Variants in ACAT1 observed in about 807,000 individuals in gnomAD.
The protein encoded by ACAT1 is acetyl-CoA acetyltransferase 1.
A neutral mutation model predicts 47.3 loss-of-function variants in ACAT1; 28 were observed. The observed-to-expected ratio is 0.59, with a 90% CI of 0.44 to 0.81. The LOEUF is 0.81. Among genes scored for constraint, ACAT1 ranks in the 30% least tolerant of loss-of-function variants. The probability of loss-of-function intolerance (pLI) is 0.00; values close to 1 mark genes in which losing one functional copy is unlikely to be tolerated. For synonymous variants in ACAT1, 181 were observed against 173.6 expected (o/e 1.04, Z -0.34); for missense variants, 469 against 524.3 (o/e 0.89, Z 1.03).
chr11:108,142,730 G>T (rs187282100), intron 9 of ACAT1, 180 bp downstream of exon 9: 11 of 585,004 alleles, frequency 1.9e-5, no homozygotes, highest in Non-Finnish European at 3.4e-5. Flanking sequence ...CCATCTACTC[G>T]GGAAGCTGAG....
upstream of ACAT1, chr11:108,121,374 C>T (rs1052664457): frequency 8.5e-6 from 5 of 591,364 alleles, no homozygotes; most frequent in Non-Finnish European, 1.5e-5. Flanking sequence ...TTGACCCCAG[C>T]GCCAGTGTCT....
chr11:108,130,959 G>A (rs978786345), intron 1 of ACAT1, among the ~76,000 whole-genome samples: 22 of 152,056 alleles, frequency 1.4e-4, no homozygotes, highest in South Asian at 2.1e-4. Context: ...CGCCAAGTTG[G>A]CCAGGCTGAT....
chr11:108,146,887 C>T (rs2077723965), intron 11 of ACAT1, among the ~76,000 whole-genome samples: 1 of 152,226 alleles, frequency 6.6e-6, no homozygotes, highest in Non-Finnish European at 1.5e-5. Flanking sequence ...AGAGGCCATC[C>T]TGGCCAACAT....
At chr11:108,134,341 T>C (rs1238780299) in intron 4 of ACAT1, 25 bp downstream of exon 4, 6 of 1,592,566 alleles carry the variant, frequency 3.8e-6, no homozygotes, top group Non-Finnish European at 5.2e-6. Context: ...TTTTTGCTTT[T>C]ATACTTAAAA....
chr11:108,130,402 TTTA>T (rs2077334698), intron 1 of ACAT1, among the ~76,000 whole-genome samples: 1 of 151,986 alleles, frequency 6.6e-6, no homozygotes, highest in African/African-American at 2.4e-5. Context: ...ATTTTTTAAA[TTTA>T]TTATCATTTT....
chr11:108,135,059 G>T (rs1291547591), intron 4 of ACAT1, 83 bp from the exon 5 acceptor site: 1 of 868,762 alleles, frequency 1.2e-6, no homozygotes, highest in Non-Finnish European at 1.9e-6. Context: ...AAGAAATGTT[G>T]TAGTTTATAG....
At chr11:108,117,152 C>CA (rs886146340), upstream of ACAT1, among the ~76,000 whole-genome samples, 1 of 151,786 alleles carries the variant, frequency 6.6e-6, no homozygotes, top group African/African-American at 2.4e-5. Context: ...CCCATCTCTA[C>CA]AAAAAATAAA....
chr11:108,121,809 G>A (rs796696417), intron 1 of ACAT1, 131 bp downstream of exon 1: 5 of 1,037,596 alleles, frequency 4.8e-6, no homozygotes, highest in Non-Finnish European at 7.0e-6. Context: ...ACAGTCACGC[G>A]ACGGGTTCTG....
At chr11:108,126,255 G>A (rs1416130162) in intron 1 of ACAT1, among the ~76,000 whole-genome samples, 3 of 152,088 alleles carry the variant, frequency 2.0e-5, no homozygotes, top group South Asian at 2.1e-4. Flanking sequence ...CACCTGCCTC[G>A]GCCTCCCAAA....
chr11:108,131,623 A>T (rs1000193806), intron 1 of ACAT1, among the ~76,000 whole-genome samples: 1 of 152,000 alleles, frequency 6.6e-6, no homozygotes, highest in Non-Finnish European at 1.5e-5. Flanking sequence ...AAATGCTAGG[A>T]TTACAGGCAT....
Position 108,134,311 on chromosome 11 carries a change from G to A in ACAT1, c.329G>A (p.Gly110Asp), listed in dbSNP as rs982230905. The A allele has an allele frequency of 1.9e-6, 3 of 1,612,994 alleles. No homozygotes were observed. The highest frequency in any genetic ancestry group is 2.2e-5 in the South Asian group (2 of 91,064). The change falls in exon 4 of 12, where the codon GGT becomes GAT. Residue 110 changes from glycine to aspartate, a missense_variant. Gly to Asp is a moderately conservative substitution (Grantham distance 94, BLOSUM62 -1). Transcript: ENST00000265838. ...GQAPTRQAVL[G>D]AGLPISTPCT... Reference sequence around the variant, plus strand: ...GCTCCTACAAGGCAGGCAGTATTGGGTGCAGGTACCTGGAAGACTTTTTTG... The same window carrying A: ...GCTCCTACAAGGCAGGCAGTATTGGATGCAGGTACCTGGAAGACTTTTTTG...
chr11:108,133,742 A>T, intron 2 of ACAT1, 78 bp from the exon 3 acceptor site: 12 of 1,189,618 alleles, frequency 1.0e-5, no homozygotes, highest in Admixed American at 5.3e-5. Context: ...TGTTTTTTTG[A>T]TAATATATTT....
chr11:108,133,273 G>C (rs1433137876), intron 2 of ACAT1, among the ~76,000 whole-genome samples: 1 of 152,140 alleles, frequency 6.6e-6, no homozygotes, highest in Non-Finnish European at 1.5e-5. Flanking sequence ...TTGATTCCTA[G>C]CCAGAGTTCC....
chr11:108,145,773 G>A (rs75085583), intron 10 of ACAT1, among the ~76,000 whole-genome samples: 25,021 of 151,430 alleles, frequency 0.17, 2,140 homozygotes, highest in African/African-American at 0.19. Context: ...GGCCGGGTGC[G>A]GTGGCTCACG....
intron 10 of ACAT1, 194 bp from the exon 11 acceptor site, chr11:108,146,008 T>C (rs1003084664): frequency 1.8e-5 from 9 of 502,538 alleles, no homozygotes; most frequent in South Asian, 1.2e-4. Flanking sequence ...GATGGCGCCA[T>C]TGCACTCCAG....
chr11:108,139,646 G>A (rs1347920684), intron 6 of ACAT1, among the ~76,000 whole-genome samples: 1 of 152,014 alleles, frequency 6.6e-6, no homozygotes, highest in Non-Finnish European at 1.5e-5. Context: ...ATATATGTGT[G>A]TGTGTATATA....
intron 5 of ACAT1, among the ~76,000 whole-genome samples, chr11:108,137,459 G>GTGT (rs1442939006): frequency 5.3e-5 from 8 of 152,206 alleles, no homozygotes; most frequent in Non-Finnish European, 7.3e-5. Context: ...AGTCAGATGA[G>GTGT]TGTTGATGAT....
intron 7 of ACAT1, among the ~76,000 whole-genome samples, 165 bp from the exon 8 acceptor site, chr11:108,141,440 A>T (rs1591370060): frequency 6.6e-6 from 1 of 151,462 alleles, no homozygotes; most frequent in African/African-American, 2.4e-5. Context: ...ATGGTAACAT[A>T]ATAGAGGTTA....
At chr11:108,135,081 A>G (rs184593486) in intron 4 of ACAT1, 61 bp from the exon 5 acceptor site, 430 of 1,143,528 alleles carry the variant, frequency 3.8e-4, no homozygotes, top group Non-Finnish European at 4.3e-4. Context: ...AACATGCTCT[A>G]TTAAGTTCTG....
Sources: gnomAD v4.1 joint callset for allele counts (sites outside exome capture counted in the v4.1 genomes callset) on GRCh38, gnomAD v4.1.1 for gene constraint, MANE v1.5 for transcripts, NCBI Gene and HGNC (gene_info 2026-07-23, HGNC 2026-07-21) for gene names.